ATP8A2: variants seen among roughly 807,000 people sequenced by gnomAD.
The protein encoded by ATP8A2 is phospholipid-transporting ATPase IB.
In ATP8A2, 100 loss-of-function variants were observed where a neutral mutation model predicts 165.6. The observed-to-expected ratio is 0.60, with a 90% CI of 0.51 to 0.71. The LOEUF is 0.71. Among genes scored for constraint, ATP8A2 ranks in the 30% least tolerant of loss-of-function variants. The probability of loss-of-function intolerance (pLI) is 0.00; values close to 1 mark genes in which losing one functional copy is unlikely to be tolerated. For synonymous variants in ATP8A2, 543 were observed against 548.8 expected (o/e 0.99, Z 0.15); for missense variants, 1,227 against 1,479.5 (o/e 0.83, Z 2.80).
intron 23 of ATP8A2, among the ~76,000 whole-genome samples, chr13:25,582,725 A>G (rs2039809746): frequency 6.6e-6 from 1 of 152,204 alleles, no homozygotes; most frequent in South Asian, 2.1e-4. Context: ...TATTTAAGTG[A>G]CTATAGTCCT....
chr13:25,462,966 C>A (rs566706190), intron 1 of ATP8A2, among the ~76,000 whole-genome samples: 4 of 152,200 alleles, frequency 2.6e-5, no homozygotes, highest in African/African-American at 9.6e-5. Context: ...TCATTCTGTG[C>A]GTAAGGAGCA....
At chr13:25,967,410 C>T (rs1425043763) in intron 34 of ATP8A2, among the ~76,000 whole-genome samples, 3 of 152,144 alleles carry the variant, frequency 2.0e-5, no homozygotes, top group African/African-American at 7.2e-5. Context: ...CGGGAGATGG[C>T]TCACATTATC....
chr13:25,600,239 G>A (rs565431374), intron 24 of ATP8A2, among the ~76,000 whole-genome samples: 2 of 152,294 alleles, frequency 1.3e-5, no homozygotes, highest in East Asian at 3.9e-4. Context: ...AGGGAATTGC[G>A]AGCAGACAAG....
intron 25 of ATP8A2, among the ~76,000 whole-genome samples, chr13:25,731,478 G>C (rs188972036): frequency 2.0e-5 from 3 of 152,092 alleles, no homozygotes; most frequent in Non-Finnish European, 4.4e-5. Context: ...TTGAACTCTC[G>C]TGCCTGCTAT....
At chr13:25,462,203 A>G (rs2035523012) in intron 1 of ATP8A2, among the ~76,000 whole-genome samples, 1 of 152,186 alleles carries the variant, frequency 6.6e-6, no homozygotes, top group African/African-American at 2.4e-5. Flanking sequence ...AATGTGTGCA[A>G]TGCAGTTCTA....
intron 30 of ATP8A2, among the ~76,000 whole-genome samples, chr13:25,851,804 G>A (rs1021534898): frequency 4.6e-5 from 7 of 151,976 alleles, no homozygotes; most frequent in Admixed American, 1.3e-4. Context: ...CATGAATTGC[G>A]TTGCTCTGTG....
At chr13:25,696,101 A>G (rs2137893593) in intron 24 of ATP8A2, among the ~76,000 whole-genome samples, 1 of 152,326 alleles carries the variant, frequency 6.6e-6, no homozygotes, top group South Asian at 2.1e-4. Flanking sequence ...TTCATCAACG[A>G]TGTCTCTATC....
chr13:25,644,818 G>C (rs778993477), intron 24 of ATP8A2, among the ~76,000 whole-genome samples: 1 of 151,948 alleles, frequency 6.6e-6, no homozygotes, highest in Non-Finnish European at 1.5e-5. Flanking sequence ...ACTTATTCTA[G>C]GTTATCCATT....
chr13:25,546,123 T>C (rs1339556209), intron 10 of ATP8A2, among the ~76,000 whole-genome samples: 1 of 152,230 alleles, frequency 6.6e-6, no homozygotes, highest in African/African-American at 2.4e-5. Flanking sequence ...ATTGGTAATA[T>C]AGCTTTTGCT....
chr13:25,688,533 T>C (rs931088173), intron 24 of ATP8A2, among the ~76,000 whole-genome samples: 2 of 152,200 alleles, frequency 1.3e-5, no homozygotes, highest in Non-Finnish European at 2.9e-5. Context: ...TATAATAGAG[T>C]GCGCCACTGC....
chr13:25,459,996 G>A (rs1169442535), intron 1 of ATP8A2, among the ~76,000 whole-genome samples: 3 of 152,278 alleles, frequency 2.0e-5, no homozygotes, highest in African/African-American at 7.2e-5. Flanking sequence ...GAGGTCAGGA[G>A]TTCAATACTA....
intron 2 of ATP8A2, among the ~76,000 whole-genome samples, chr13:25,494,853 C>T (rs1200585548): frequency 6.6e-6 from 1 of 152,306 alleles, no homozygotes; most frequent in Non-Finnish European, 1.5e-5. Flanking sequence ...AGCAAAATCA[C>T]ACAGACCTAG....
intron 2 of ATP8A2, among the ~76,000 whole-genome samples, chr13:25,474,152 G>A (rs1006790755): frequency 4.6e-5 from 7 of 152,180 alleles, no homozygotes; most frequent in African/African-American, 7.2e-5. Context: ...GTGGTAACTC[G>A]AGCTTTGTCA....
At chr13:25,968,944 G>A (rs889755708) in intron 35 of ATP8A2, among the ~76,000 whole-genome samples, 1 of 152,074 alleles carries the variant, frequency 6.6e-6, no homozygotes, top group Non-Finnish European at 1.5e-5. Context: ...TCGATGTTGT[G>A]GCAGTATTAT....
At chr13:25,786,012 T>TG (rs1248430263) in intron 27 of ATP8A2, among the ~76,000 whole-genome samples, 2 of 152,252 alleles carry the variant, frequency 1.3e-5, no homozygotes, top group African/African-American at 4.8e-5. Flanking sequence ...ATGTAGATTT[T>TG]GACCCTCGGT....
chr13:25,862,849 C>G (rs776589590), intron 33 of ATP8A2, among the ~76,000 whole-genome samples: 1 of 152,150 alleles, frequency 6.6e-6, no homozygotes, highest in African/African-American at 2.4e-5. Context: ...TCTAACAGCT[C>G]TATGAACCAG....
At chr13:26,009,794 A>G (rs1336003892) in intron 35 of ATP8A2, among the ~76,000 whole-genome samples, 1 of 152,212 alleles carries the variant, frequency 6.6e-6, no homozygotes, top group Non-Finnish European at 1.5e-5. Flanking sequence ...GGCTGAGCAC[A>G]GTGGCTCATG....
rs894995769 is a variant in ATP8A2, at chr13:25,409,070, A to G, written c.76+36782A>G. Among the ~76,000 whole-genome samples the G allele has an allele frequency of 2.6e-5, 4 of 152,116 alleles. No individual in the cohort carries two copies. The East Asian group carries it at 5.8e-4, about 22-fold the overall frequency. ...TTTCTGTACTAGTATGCCCTTTTCT[A>G]TTTTGATCTTTCTGTAAAGCCCTCT... On this transcript the variant is annotated intron_variant, in intron 1 of 36. Coordinates refer to ENST00000381655, the MANE Select transcript of ATP8A2 (RefSeq NM_016529.6).
At chr13:25,387,483 T>C (rs1188071564) in intron 1 of ATP8A2, among the ~76,000 whole-genome samples, 2 of 152,268 alleles carry the variant, frequency 1.3e-5, no homozygotes, top group Middle Eastern at 3.4e-3. Flanking sequence ...CTGGGTTTAA[T>C]GGTGGTCCAC....
Sources: allele counts gnomAD v4.1 joint callset (sites outside exome capture counted in the v4.1 genomes callset), GRCh38; gene constraint gnomAD v4.1.1; transcripts MANE v1.5; gene names NCBI Gene and HGNC (gene_info 2026-07-23, HGNC 2026-07-21).